The following CBLB variants were observed in gnomAD, a reference collection of about 807,000 sequenced individuals.
CBLB encodes Cbl proto-oncogene B, also known as E3 ubiquitin-protein ligase CBL-B.
A neutral mutation model predicts 104.9 loss-of-function variants in CBLB; 31 were observed. The observed-to-expected ratio is 0.30, with a 90% confidence interval of 0.22 to 0.40. CBLB has a LOEUF of 0.40. CBLB is among the 10% of genes least tolerant of loss of function. The pLI, the probability that CBLB is intolerant of heterozygous loss-of-function variation, is 1.00. For synonymous variants in CBLB, 440 were observed against 422.6 expected, an observed-to-expected ratio of 1.04 and a Z score of -0.51; for missense variants, 1,062 against 1,214.6, an observed-to-expected ratio of 0.87 and a Z score of 1.87.
At chr3:105,733,967 T>A in intron 9 of CBLB, 42 bp downstream of exon 9, 1 of 1,582,154 alleles carries the variant, frequency 6.3e-7, no homozygotes, top group Middle Eastern at 1.7e-4. Flanking sequence ...GAAATATTAG[T>A]AGGACATATA....
rs183691284 is a variant in CBLB at position 105,839,425 on chromosome 3, T to C, written c.419+13989A>G. 8.5e-5 allele frequency: 13 copies of C among 152,060 alleles called. No individual in the cohort carries two copies. In the East Asian group the frequency reaches 2.3e-3, roughly 27 times the overall value. The allele number at this position is 152,060 out of a possible 1,614,324, so 9.4% of individuals were successfully genotyped here. A position where few individuals can be genotyped will look rare whatever the true frequency, so the allele number is the denominator to read the frequency against. ...GCTATCAGTCATTGACTACCTACCATTTTTTTTGCCTTTAGAAGATCACAA... is the reference window on the plus strand; with the variant it reads ...GCTATCAGTCATTGACTACCTACCACTTTTTTTGCCTTTAGAAGATCACAA... On this transcript the variant is annotated intron_variant, in intron 3 of 18. Coordinates refer to ENST00000394030, the MANE Select transcript of CBLB (RefSeq NM_170662.5).
chr3:105,833,742 CAAT>C (rs761310061), intron 3 of CBLB, among the ~76,000 whole-genome samples: 54 of 151,750 alleles, frequency 3.6e-4, no homozygotes, highest in Non-Finnish European at 7.4e-4. Context: ...CATTTAACAT[CAAT>C]AATAATCTAG....
At chr3:105,670,571 G>T in intron 17 of CBLB, 1 of 523,512 alleles carries the variant, frequency 1.9e-6, no homozygotes, top group Non-Finnish European at 3.4e-6. Context: ...AGATAATAAA[G>T]ACTACTTGTT....
chr3:105,831,509 A>G (rs560598131), intron 3 of CBLB, among the ~76,000 whole-genome samples: 33 of 152,362 alleles, frequency 2.2e-4, no homozygotes, highest in African/African-American at 7.7e-4. Flanking sequence ...ACCAACTACA[A>G]TGTTCTGACA....
rs567166974 is a variant in CBLB at position 105,789,686 on chromosome 3, T to C, written c.420-13144A>G. On this transcript the variant is annotated intron_variant, in intron 3 of 18. Transcript: ENST00000394030. ...TGTAAGCAAAGACATAGAATGTTTATAGACCTAACAGCAGTGTCTTTTAAT... is the reference window on the plus strand; with the variant it reads ...TGTAAGCAAAGACATAGAATGTTTACAGACCTAACAGCAGTGTCTTTTAAT... 1.7e-3 allele frequency among the ~76,000 whole-genome samples: 256 copies of C among 152,304 alleles called. 1 individual carries two copies. Among genetic ancestry groups the C allele is most frequent in the African/African-American group, 4.5e-3 (187 of 41,580 alleles).
chr3:105,854,200 C>G (rs2091304499), intron 2 of CBLB, among the ~76,000 whole-genome samples: 3 of 152,190 alleles, frequency 2.0e-5, no homozygotes, highest in Admixed American at 2.0e-4. Flanking sequence ...CAGAACCAGT[C>G]TTTTCCACCT....
intron 2 of CBLB, among the ~76,000 whole-genome samples, chr3:105,857,422 C>T (rs557783395): frequency 1.6e-4 from 25 of 152,040 alleles, no homozygotes; most frequent in Admixed American, 1.2e-3. Flanking sequence ...GCAGAAGAGA[C>T]GTAGTTCTCT....
intron 13 of CBLB, among the ~76,000 whole-genome samples, chr3:105,687,205 G>T (rs1163599755): frequency 2.0e-5 from 3 of 151,974 alleles, no homozygotes; most frequent in Non-Finnish European, 4.4e-5. Flanking sequence ...TATGTAAAAA[G>T]AAAACAGTAT....
intron 3 of CBLB, among the ~76,000 whole-genome samples, chr3:105,789,841 G>A (rs1016915121): frequency 3.9e-5 from 6 of 152,140 alleles, no homozygotes; most frequent in African/African-American, 1.4e-4. Flanking sequence ...CTGTTTAAAA[G>A]TCAAGCACTA....
chr3:105,844,188 G>T (rs763914426), intron 3 of CBLB, among the ~76,000 whole-genome samples: 11 of 152,156 alleles, frequency 7.2e-5, no homozygotes, highest in Non-Finnish European at 1.2e-4. Flanking sequence ...GACAGACAAA[G>T]AAATTACCTA....
At chr3:105,678,340 G>A in intron 17 of CBLB, 91 bp downstream of exon 17, 2 of 1,265,830 alleles carry the variant, frequency 1.6e-6, no homozygotes, top group Non-Finnish European at 1.2e-6. Flanking sequence ...GGGAGGTAGA[G>A]ACTAATGAAT....
chr3:105,658,793 T>C lies in CBLB; in HGVS notation c.*177A>G. On this transcript the variant is annotated 3_prime_UTR_variant, in exon 19 of 19. Coordinates refer to ENST00000394030, the MANE Select transcript of CBLB (RefSeq NM_170662.5). ...CTAGCAAAAACAAGGAAGCCACAGC[T>C]GTCGACATCCTGAGCAAGCATCGGT... The C allele has an allele frequency of 1.5e-6, 1 of 654,198 alleles. No individual in the cohort carries two copies. Among genetic ancestry groups the C allele is most frequent in the South Asian group, 2.0e-5 (1 of 49,814 alleles). The allele number at this position is 654,198 out of a possible 1,614,324, so 40.5% of individuals were successfully genotyped here.
intron 12 of CBLB, among the ~76,000 whole-genome samples, chr3:105,698,322 T>C (rs950105492): frequency 2.0e-5 from 3 of 152,040 alleles, no homozygotes; most frequent in Non-Finnish European, 4.4e-5. Context: ...CTATCATTCA[T>C]TGTTCTAGTG....
At chr3:105,728,624 G>A (rs947234566) in intron 9 of CBLB, among the ~76,000 whole-genome samples, 1 of 152,186 alleles carries the variant, frequency 6.6e-6, no homozygotes, top group Non-Finnish European at 1.5e-5. Context: ...ACACGTGGAT[G>A]TGAAAGACAA....
chr3:105,780,356 A>G (rs950871385), intron 3 of CBLB, among the ~76,000 whole-genome samples: 16 of 152,124 alleles, frequency 1.1e-4, no homozygotes, highest in African/African-American at 3.9e-4. Context: ...TGTAAGACCT[A>G]AAATGATGAC....
intron 3 of CBLB, among the ~76,000 whole-genome samples, chr3:105,807,008 G>A (rs1228313139): frequency 1.3e-5 from 2 of 152,034 alleles, no homozygotes; most frequent in African/African-American, 4.8e-5. Flanking sequence ...AGCTCTTTTA[G>A]GCCCACTCAC....
intron 4 of CBLB, among the ~76,000 whole-genome samples, chr3:105,775,837 T>A (rs1216176393): frequency 6.6e-6 from 1 of 152,212 alleles, no homozygotes; most frequent in African/African-American, 2.4e-5. Flanking sequence ...TATCCTCATA[T>A]CTTGTTCACA....
chr3:105,842,857 C>T (rs2089738566), intron 3 of CBLB, among the ~76,000 whole-genome samples: 1 of 152,180 alleles, frequency 6.6e-6, no homozygotes, highest in East Asian at 1.9e-4. Flanking sequence ...TTTTAGCCAA[C>T]TTATATACTC....
Position 105,739,579 on chromosome 3 carries a change from G to A in CBLB, c.983+915C>T, listed in dbSNP as rs541705753. ...TGTCCATACTTTGTGTGTGGAGTGA[G>A]TGGGGGAGAATTCATTATTAATCTA... On this transcript the variant is annotated intron_variant, in intron 7 of 18. Coordinates refer to ENST00000394030, the MANE Select transcript of CBLB (RefSeq NM_170662.5). Among the ~76,000 whole-genome samples, 11 of 152,294 alleles carry A rather than the reference G, an allele frequency of 7.2e-5. No individual in the cohort carries two copies. The South Asian group carries it at 1.0e-3, about 14-fold the overall frequency.
Sources: gnomAD v4.1 joint callset for allele counts (sites outside exome capture counted in the v4.1 genomes callset) on GRCh38, gnomAD v4.1.1 for gene constraint, MANE v1.5 for transcripts, NCBI Gene and HGNC (gene_info 2026-07-23, HGNC 2026-07-21) for gene names.